RAB40A: variants seen among roughly 807,000 people sequenced by gnomAD.
RAB40A encodes RAB40A, member RAS oncogene family.
For missense variants in RAB40A, 145 were observed against 230.2 expected (o/e 0.63, Z 2.40); for synonymous variants, 65 against 99.9 (o/e 0.65, Z 2.08).
intron 2 of RAB40A, among the ~76,000 whole-genome samples, chrX:103,515,875 C>T (rs2073314247): frequency 8.9e-6 from 1 of 112,277 alleles, no homozygotes; most frequent in South Asian, 3.7e-4. Context: ...CTGTGAATGA[C>T]ACACCAAATA....
At chrX:103,507,357 T>C (rs2073261069) in intron 2 of RAB40A, among the ~76,000 whole-genome samples, 1 of 111,805 alleles carries the variant, frequency 8.9e-6, no homozygotes, top group Admixed American at 9.4e-5. Flanking sequence ...TAACCCAGTA[T>C]CTGAGATGTA....
downstream of RAB40A, among the ~76,000 whole-genome samples, chrX:103,495,416 G>T (rs754705639): frequency 9.0e-6 from 1 of 111,181 alleles, no homozygotes; most frequent in Non-Finnish European, 1.9e-5. Flanking sequence ...TCTCTTGTCT[G>T]ATTGCTGTAG....
intron 2 of RAB40A, among the ~76,000 whole-genome samples, chrX:103,512,619 A>T (rs2073296653): frequency 8.9e-6 from 1 of 112,034 alleles, no homozygotes; most frequent in Non-Finnish European, 1.9e-5. Flanking sequence ...ACCCGGATTG[A>T]CTAGTACTGT....
intron 1 of RAB40A, among the ~76,000 whole-genome samples, 188 bp from the exon 2 acceptor site, chrX:103,517,713 A>G (rs1046552222): frequency 8.9e-6 from 1 of 112,356 alleles, no homozygotes; most frequent in African/African-American, 3.2e-5. Context: ...ACAATTCAAA[A>G]AGATAAAAAG....
intron 2 of RAB40A, chrX:103,503,167 A>C: frequency 1.3e-6 from 1 of 753,838 alleles, no homozygotes; most frequent in Non-Finnish European, 1.6e-6. Context: ...AGAAAGAAAA[A>C]AATTGATTGA....
chrX:103,512,272 A>G (rs929562300), intron 2 of RAB40A, among the ~76,000 whole-genome samples: 3 of 110,934 alleles, frequency 2.7e-5, no homozygotes, highest in African/African-American at 9.9e-5. Context: ...TACAGCAGCC[A>G]TAGGAAACTA....
At chrX:103,494,132 T>C (rs2073147184), downstream of RAB40A, among the ~76,000 whole-genome samples, 3 of 112,260 alleles carry the variant, frequency 2.7e-5, no homozygotes, top group Non-Finnish European at 5.6e-5. Context: ...CCATTTTAAC[T>C]GGGGTGAGAT....
Position 103,499,251 on chromosome X carries a change from T to G in RAB40A, c.*672A>C, listed in dbSNP as rs1383734385. On this transcript the variant is annotated 3_prime_UTR_variant, in exon 3 of 3. Transcript: ENST00000304236. ...ATGTTCAACATAACTAGAGATATCT[T>G]TGGTGTTTTCCTCCCTTAGCTTCAT... 1 of 121,509 alleles carries G rather than the reference T, an allele frequency of 8.2e-6. No homozygotes were observed. The highest frequency in any genetic ancestry group is 3.2e-5 in the African/African-American group (1 of 30,939). The allele number at this position is 121,509 out of a possible 1,213,427, so 10.0% of individuals were successfully genotyped here. A position where few individuals can be genotyped will look rare whatever the true frequency, so the allele number is the denominator to read the frequency against.
At position 103,517,439 on chromosome X, in the gene RAB40A, T is replaced by G. The variant is rs1428553237; in HGVS notation, c.-136A>C. The G allele has an allele frequency of 9.0e-6, 1 of 111,545 alleles. No individual in the cohort carries two copies. Among genetic ancestry groups the G allele is most frequent in the African/African-American group, 3.3e-5 (1 of 30,632 alleles). 9.2% of individuals were successfully genotyped at this position (111,545 alleles called of 1,213,427 possible). A position where few individuals can be genotyped will look rare whatever the true frequency, so the allele number is the denominator to read the frequency against. On this transcript the variant is annotated 5_prime_UTR_variant, in exon 2 of 3. Transcript: ENST00000304236. Reference sequence around the variant, plus strand: ...TACAAATCTGATGACTCCTGTCTTCTGTCTAGCTGACTCATTATTATTCTT... The same window carrying G: ...TACAAATCTGATGACTCCTGTCTTCGGTCTAGCTGACTCATTATTATTCTT...
chrX:103,502,111 A>C (rs1460041887), intron 2 of RAB40A: 4 of 123,712 alleles, frequency 3.2e-5, no homozygotes, highest in African/African-American at 1.3e-4. Flanking sequence ...GTAAGTGGTT[A>C]TTTGAAATAG....
Position 103,499,297 on chromosome X carries a change from CA to C in RAB40A, c.*625del, listed in dbSNP as rs918941517. The C allele has an allele frequency of 3.9e-4, 48 of 121,588 alleles. No individual in the cohort carries two copies. The highest frequency in any genetic ancestry group is 1.4e-3 in the African/African-American group (43 of 30,737). The allele number at this position is 121,588 out of a possible 1,213,427, so 10.0% of individuals were successfully genotyped here. On this transcript the variant is annotated 3_prime_UTR_variant, in exon 3 of 3. Transcript: ENST00000304236. ...TTCATATCTTGTAGAACATCTCGTACAAAAAAAGTAGATTTACAGAAAAACA... is the reference window on the plus strand; with the variant it reads ...TTCATATCTTGTAGAACATCTCGTACAAAAAAGTAGATTTACAGAAAAACA...
At chrX:103,497,501 GTC>G (rs2073185767), downstream of RAB40A, 1 of 111,951 alleles carries the variant, frequency 8.9e-6, no homozygotes, top group Non-Finnish European at 1.9e-5. Context: ...AGCTTCTCCA[GTC>G]TCTGCAACTG....
chrX:103,495,562 T>A, downstream of RAB40A, among the ~76,000 whole-genome samples: 1 of 112,145 alleles, frequency 8.9e-6, no homozygotes. Flanking sequence ...TGGATTTGCT[T>A]GTTTTTGACA....
At position 103,501,161 on chromosome X, in the gene RAB40A, C is replaced by T. The variant is rs1264539277; in HGVS notation, c.-70-335G>A. The T allele has an allele frequency of 2.1e-5, 3 of 139,938 alleles. No individual in the cohort carries two copies. In the Admixed American group the frequency reaches 2.6e-4, roughly 12 times the overall value. 11.5% of individuals were successfully genotyped at this position (139,938 alleles called of 1,213,427 possible). On this transcript the variant is annotated intron_variant, in intron 2 of 2. Transcript: ENST00000304236. ...TGTACGTACCCTATGCTGTGTATGA[C>T]GCTTAAAATATTTTGTTCTTTTGCT...
At chrX:103,502,315 T>C (rs1171397401) in intron 2 of RAB40A, 6 of 123,469 alleles carry the variant, frequency 4.9e-5, no homozygotes, top group African/African-American at 1.9e-4. Flanking sequence ...GTTCTCTCCC[T>C]GATTTACACA....
At chrX:103,508,683 C>A (rs2073269788) in intron 2 of RAB40A, among the ~76,000 whole-genome samples, 2 of 112,119 alleles carry the variant, frequency 1.8e-5, no homozygotes, top group African/African-American at 6.5e-5. Context: ...TCTCTACATT[C>A]TTTAGTGTTT....
At chrX:103,512,565 A>T (rs2073296459) in intron 2 of RAB40A, among the ~76,000 whole-genome samples, 1 of 111,920 alleles carries the variant, frequency 8.9e-6, no homozygotes, top group Admixed American at 9.5e-5. Context: ...GCAGGAACTG[A>T]GAAAAATCAC....
chrX:103,495,055 C>T (rs965314665), downstream of RAB40A, among the ~76,000 whole-genome samples: 2 of 111,842 alleles, frequency 1.8e-5, no homozygotes, highest in Non-Finnish European at 3.8e-5. Context: ...ACATGAAATA[C>T]TTTTCCATTT....
chrX:103,514,982 C>G (rs1453203749), intron 2 of RAB40A, among the ~76,000 whole-genome samples: 2 of 112,128 alleles, frequency 1.8e-5, no homozygotes, highest in South Asian at 3.7e-4. Context: ...TATATTGAGA[C>G]ATTCAAGATT....
Sources: gnomAD v4.1 joint callset for allele counts (sites outside exome capture counted in the v4.1 genomes callset) on GRCh38, gnomAD v4.1.1 for gene constraint, MANE v1.5 for transcripts, NCBI Gene and HGNC (gene_info 2026-07-23, HGNC 2026-07-21) for gene names.